PTPRR: variants seen among roughly 807,000 people sequenced by gnomAD.
PTPRR encodes receptor-type tyrosine-protein phosphatase R.
PTPRR carries 38 observed loss-of-function variants against 77.2 expected under a neutral mutation model. That is an observed-to-expected ratio of 0.49 (90% CI 0.38 to 0.65). The LOEUF is 0.65. Among genes scored for constraint, PTPRR ranks in the 30% least tolerant of loss-of-function variants. The probability of loss-of-function intolerance (pLI) is 0.00; values close to 1 mark genes in which losing one functional copy is unlikely to be tolerated. For synonymous variants in PTPRR, 299 were observed against 283.1 expected (o/e 1.06, Z -0.57); for missense variants, 744 against 799.2 (o/e 0.93, Z 0.83).
chr12:70,834,990 C>T (rs893538706), intron 2 of PTPRR, among the ~76,000 whole-genome samples: 53 of 152,216 alleles, frequency 3.5e-4, no homozygotes, highest in African/African-American at 1.3e-3. Flanking sequence ...CTTACCCCTT[C>T]TTACACCACT....
intron 10 of PTPRR, chr12:70,673,030 GCAAAA>G (rs1566059060): frequency 9.0e-6 from 3 of 334,040 alleles, no homozygotes; most frequent in Admixed American, 1.3e-4. Flanking sequence ...TCGGGCCAAA[GCAAAA>G]AAAAAAAAAA....
intron 6 of PTPRR, among the ~76,000 whole-genome samples, chr12:70,721,719 C>T (rs775665420): frequency 3.3e-5 from 5 of 152,114 alleles, no homozygotes; most frequent in African/African-American, 9.7e-5. Flanking sequence ...TTTTCTAGCC[C>T]GTTTAATCTT....
intron 2 of PTPRR, among the ~76,000 whole-genome samples, chr12:70,835,660 T>A (rs922529094): frequency 2.6e-5 from 4 of 152,160 alleles, no homozygotes; most frequent in Non-Finnish European, 5.9e-5. Context: ...TAATAGTCTC[T>A]CTAGGTACTG....
At position 70,680,565 on chromosome 12, in the gene PTPRR, C is replaced by G. The variant is rs1887617204; in HGVS notation, c.1497+3562G>C. On this transcript the variant is annotated intron_variant, in intron 10 of 13. Coordinates refer to ENST00000283228, the MANE Select transcript of PTPRR (RefSeq NM_002849.4). ...GTTTGCTGGCTCAGGACAGGTCACC[C>G]CTGGAAACAGCACACTTGGCTGGTG... Among the ~76,000 whole-genome samples, 3 of 152,252 alleles carry G rather than the reference C, an allele frequency of 2.0e-5. No homozygotes were observed. In the South Asian group the frequency reaches 6.2e-4, roughly 32 times the overall value.
chr12:70,859,474 G>A (rs1165741546), intron 2 of PTPRR, among the ~76,000 whole-genome samples: 1 of 151,996 alleles, frequency 6.6e-6, no homozygotes, highest in East Asian at 1.9e-4. Flanking sequence ...TATGTACTGA[G>A]AGAAAAATGC....
intron 6 of PTPRR, among the ~76,000 whole-genome samples, chr12:70,740,448 C>A (rs1890011357): frequency 6.6e-6 from 1 of 151,920 alleles, no homozygotes; most frequent in African/African-American, 2.4e-5. Flanking sequence ...TCTCAGTTCA[C>A]TGCAACCTCT....
intron 6 of PTPRR, among the ~76,000 whole-genome samples, chr12:70,719,023 C>G (rs538930843): frequency 6.6e-6 from 1 of 152,106 alleles, no homozygotes; most frequent in East Asian, 1.9e-4. Context: ...TCTGTTCAAA[C>G]GGATAGAGTT....
intron 13 of PTPRR, among the ~76,000 whole-genome samples, chr12:70,644,157 G>A (rs1886111580): frequency 6.6e-6 from 1 of 152,168 alleles, no homozygotes; most frequent in Admixed American, 6.5e-5. Flanking sequence ...TTTGTCATTG[G>A]AACACTAAAC....
In PTPRR at chr12:70,745,914, T is replaced by A. The variant is rs1175827407; in HGVS notation, c.911A>T (p.Asp304Val). The A allele has an allele frequency of 2.3e-5, 37 of 1,613,678 alleles. No homozygotes were observed. The highest frequency in any genetic ancestry group is 3.1e-5 in the Non-Finnish European group (36 of 1,179,966). ...QAPKVLNVVV[D>V]PQGRGAPEIK... The stretch of plus-strand genomic sequence containing the variant: ...CTCAGGAGCACCTCGGCCTTGAGGG[T>A]CCACGACAACATTCAGTACCTTTGG... Residue 304 changes from aspartate to valine, a missense_variant, in exon 6 of 14, where the codon GAC becomes GTC. Around this residue, in one of 3 missense-constraint regions of PTPRR, gnomAD observed 570 missense variants for 573.2 expected, o/e 0.99. Transcript: ENST00000283228.
At chr12:70,793,216 T>C (rs1277537256) in intron 2 of PTPRR, among the ~76,000 whole-genome samples, 13 of 152,198 alleles carry the variant, frequency 8.5e-5, no homozygotes, top group Admixed American at 8.5e-4. Context: ...GGTTACACAA[T>C]TCTGACTGAA....
chr12:70,786,214 G>A (rs1179064515), intron 2 of PTPRR, among the ~76,000 whole-genome samples: 1 of 152,140 alleles, frequency 6.6e-6, no homozygotes, highest in East Asian at 1.9e-4. Flanking sequence ...TTCATTCATG[G>A]AGCTTTTCTG....
At chr12:70,892,360 G>C (rs541202239) in intron 2 of PTPRR, among the ~76,000 whole-genome samples, 8 of 152,132 alleles carry the variant, frequency 5.3e-5, no homozygotes, top group African/African-American at 1.9e-4. Flanking sequence ...GAAGGTAGGA[G>C]GCTCAGTACA....
At chr12:70,909,472 TC>T (rs1469784766) in intron 1 of PTPRR, among the ~76,000 whole-genome samples, 3 of 152,204 alleles carry the variant, frequency 2.0e-5, no homozygotes, top group East Asian at 3.9e-4. Context: ...GGCACTCCTT[TC>T]CGGAACAAAG....
intron 1 of PTPRR, among the ~76,000 whole-genome samples, chr12:70,896,924 A>G (rs566170299): frequency 8.1e-4 from 123 of 151,782 alleles, no homozygotes; most frequent in African/African-American, 2.8e-3. Context: ...ATAGTTGTAG[A>G]TATGCGGCAT....
At chr12:70,737,088 G>A (rs1889887616) in intron 6 of PTPRR, among the ~76,000 whole-genome samples, 2 of 152,112 alleles carry the variant, frequency 1.3e-5, no homozygotes, top group East Asian at 3.9e-4. Context: ...TGAGCCAGAG[G>A]TGCCTAGGAA....
rs545141347 is a variant in PTPRR, at chr12:70,790,714, G to A, written c.358-25936C>T. ...TTCTCTGTCAATTCTCTTCCTTTCCGTAACTAGCAACTTCAATCTTTCATG... is the reference window on the plus strand; with the variant it reads ...TTCTCTGTCAATTCTCTTCCTTTCCATAACTAGCAACTTCAATCTTTCATG... On this transcript the variant is annotated intron_variant, in intron 2 of 13. Coordinates refer to ENST00000283228, the MANE Select transcript of PTPRR (RefSeq NM_002849.4). 3.8e-4 allele frequency among the ~76,000 whole-genome samples: 58 copies of A among 151,894 alleles called. 2 individuals are homozygous for A. The highest frequency in any genetic ancestry group is 1.2e-3 in the African/African-American group (50 of 41,420).
chr12:70,881,963 A>G (rs541418024), intron 2 of PTPRR, among the ~76,000 whole-genome samples: 1 of 152,306 alleles, frequency 6.6e-6, no homozygotes, highest in South Asian at 2.1e-4. Flanking sequence ...TTTCTCTTCT[A>G]AAGTATTGGG....
chr12:70,832,501 G>A (rs979879467), intron 2 of PTPRR, among the ~76,000 whole-genome samples: 9 of 152,162 alleles, frequency 5.9e-5, no homozygotes, highest in African/African-American at 2.2e-4. Context: ...GATGTGATAG[G>A]GTGGTGAGTG....
At chr12:70,754,845 A>G in intron 4 of PTPRR, 9 of 1,011,644 alleles carry the variant, frequency 8.9e-6, no homozygotes, top group Non-Finnish European at 1.2e-5. Flanking sequence ...CTCTGCTGTC[A>G]AAACCTGACT....
Sources: gnomAD v4.1 joint callset for allele counts (sites outside exome capture counted in the v4.1 genomes callset) on GRCh38, gnomAD v4.1.1 for gene constraint, gnomAD v4.1.1 regional missense constraint, MANE v1.5 for transcripts, NCBI Gene and HGNC (gene_info 2026-07-23, HGNC 2026-07-21) for gene names.